WWOX: variants seen among roughly 807,000 people sequenced by gnomAD.
WWOX encodes WW domain-containing oxidoreductase.
WWOX carries 69 observed loss-of-function variants against 46.2 expected under a neutral mutation model. That is an observed-to-expected ratio of 1.49 (90% CI 1.23 to 1.82). The LOEUF is 1.82. Ranked by LOEUF, WWOX falls within the 40% of genes most tolerant of loss-of-function variation. The pLI, the probability that WWOX is intolerant of heterozygous loss-of-function variation, is 0.00. For missense variants in WWOX, 919 were observed against 542.6 expected, an observed-to-expected ratio of 1.69 and a Z score of -6.89; for synonymous variants, 359 against 202.6, an observed-to-expected ratio of 1.77 and a Z score of -6.56.
rs4359451 is a variant in WWOX at position 78,164,014 on chromosome 16, T to C, written c.410-169T>C. ...TGCCAGTAGGACTCTACCCCACAAC[T>C]GTGGCCACTGAAAATGTCTCCAGAC... On this transcript the variant is annotated intron_variant, in intron 4 of 8. Transcript: ENST00000566780. Among the ~76,000 whole-genome samples, 41,270 of 152,004 alleles carry C rather than the reference T, an allele frequency of 0.27. 5,647 individuals carry two copies. The highest frequency in any genetic ancestry group is 0.36 in the South Asian group (1,715 of 4,804).
At chr16:78,642,231 G>T (rs185824491) in intron 8 of WWOX, among the ~76,000 whole-genome samples, 121 of 152,312 alleles carry the variant, frequency 7.9e-4, no homozygotes, top group African/African-American at 2.8e-3. Context: ...ATGTTGTCAA[G>T]AAGGTGTTGA....
intron 8 of WWOX, among the ~76,000 whole-genome samples, chr16:79,144,399 G>C (rs2050147166): frequency 6.6e-6 from 1 of 152,184 alleles, no homozygotes; most frequent in Non-Finnish European, 1.5e-5. Flanking sequence ...GCACTTCTCA[G>C]GTGATAGCTG....
chr16:79,144,154 C>T (rs764443351), intron 8 of WWOX, among the ~76,000 whole-genome samples: 3 of 152,166 alleles, frequency 2.0e-5, no homozygotes, highest in Admixed American at 1.3e-4. Context: ...CCTGTCTCAG[C>T]CTCCCAAAGT....
chr16:78,454,655 GC>G (rs1567583196), intron 8 of WWOX, among the ~76,000 whole-genome samples: 1 of 150,750 alleles, frequency 6.6e-6, no homozygotes, highest in African/African-American at 2.5e-5. Context: ...ACAGGCATGC[GC>G]CACCATACCT....
At chr16:79,201,437 C>A (rs1412272676) in intron 8 of WWOX, among the ~76,000 whole-genome samples, 1 of 151,358 alleles carries the variant, frequency 6.6e-6, no homozygotes, top group South Asian at 2.1e-4. Flanking sequence ...TACACGATGC[C>A]TGAGCTGGCT....
intron 8 of WWOX, among the ~76,000 whole-genome samples, chr16:78,498,128 A>G (rs1325473465): frequency 1.4e-5 from 2 of 145,908 alleles, no homozygotes; most frequent in East Asian, 4.1e-4. Context: ...TGGCATGAAC[A>G]TGGGAGGTGG....
At chr16:79,081,172 A>G (rs563569870) in intron 8 of WWOX, among the ~76,000 whole-genome samples, 6 of 152,224 alleles carry the variant, frequency 3.9e-5, no homozygotes, top group East Asian at 1.9e-4. Flanking sequence ...GAACAAGTCT[A>G]TGTTTTCTTG....
At chr16:78,614,837 A>G (rs1268835604) in intron 8 of WWOX, among the ~76,000 whole-genome samples, 3 of 152,222 alleles carry the variant, frequency 2.0e-5, no homozygotes, top group Non-Finnish European at 2.9e-5. Flanking sequence ...CAGAACGTGC[A>G]GGCTTGTTAC....
At chr16:78,253,713 C>T (rs1157929354) in intron 5 of WWOX, among the ~76,000 whole-genome samples, 1 of 152,156 alleles carries the variant, frequency 6.6e-6, no homozygotes, top group Non-Finnish European at 1.5e-5. Flanking sequence ...CTAACATAAA[C>T]CTTCAATTTA....
At chr16:78,529,761 C>G (rs1397419206) in intron 8 of WWOX, among the ~76,000 whole-genome samples, 1 of 152,198 alleles carries the variant, frequency 6.6e-6, no homozygotes, top group East Asian at 1.9e-4. Flanking sequence ...GCCACCATGC[C>G]CAGCCCTCAG....
chr16:78,397,335 A>G (rs1045285933), intron 6 of WWOX, among the ~76,000 whole-genome samples: 7 of 152,212 alleles, frequency 4.6e-5, no homozygotes, highest in African/African-American at 1.2e-4. Flanking sequence ...TGTGTCATGT[A>G]CAGCTAAGCA....
chr16:79,071,185 C>A (rs1037008303), intron 8 of WWOX, among the ~76,000 whole-genome samples: 1 of 152,164 alleles, frequency 6.6e-6, no homozygotes, highest in African/African-American at 2.4e-5. Flanking sequence ...CTGATGAACA[C>A]AGTTAAGGGG....
At chr16:78,890,300 T>C (rs939189590) in intron 8 of WWOX, 2 of 152,244 alleles carry the variant, frequency 1.3e-5, no homozygotes, top group Admixed American at 6.5e-5. Flanking sequence ...ATATTCTTAT[T>C]TGACCTCTTG....
At chr16:78,930,308 C>G (rs1234384843) in intron 8 of WWOX, among the ~76,000 whole-genome samples, 2 of 101,660 alleles carry the variant, frequency 2.0e-5, no homozygotes, top group African/African-American at 3.9e-5. Flanking sequence ...CAGACAGGGT[C>G]TCCTCCACAC....
chr16:78,137,505 G>A lies in WWOX; in HGVS notation c.409+22351G>A, dbSNP rs538332219. Among the ~76,000 whole-genome samples the A allele has an allele frequency of 1.9e-4, 29 of 152,234 alleles. No individual in the cohort carries two copies. In the East Asian group the frequency reaches 2.9e-3, roughly 15 times the overall value. ...GTTAGTCCATGAGGAATTTCCTTAC[G>A]TATTGTTTTGTGTCTAGGACCAAGT... On this transcript the variant is annotated intron_variant, in intron 4 of 8. Transcript: ENST00000566780.
At chr16:78,975,504 G>C (rs2046553828) in intron 8 of WWOX, among the ~76,000 whole-genome samples, 4 of 151,428 alleles carry the variant, frequency 2.6e-5, no homozygotes, top group Admixed American at 2.0e-4. Flanking sequence ...AGCCTTTTGA[G>C]ATACGACTTT....
chr16:78,605,181 T>G (rs2045725633), intron 8 of WWOX, among the ~76,000 whole-genome samples: 1 of 151,654 alleles, frequency 6.6e-6, no homozygotes, highest in Non-Finnish European at 1.5e-5. Context: ...CTGATGTATC[T>G]GTATCCTGTG....
chr16:78,212,273 G>A (rs1326568035), intron 5 of WWOX, among the ~76,000 whole-genome samples: 1 of 152,224 alleles, frequency 6.6e-6, no homozygotes, highest in Non-Finnish European at 1.5e-5. Context: ...GAGGGCAGAG[G>A]CTGATCAATC....
At chr16:78,759,035 C>G (rs1226429530) in intron 8 of WWOX, among the ~76,000 whole-genome samples, 1 of 151,654 alleles carries the variant, frequency 6.6e-6, no homozygotes, top group Non-Finnish European at 1.5e-5. Flanking sequence ...GAACCTGGAA[C>G]TTCCCTTTCT....
Sources: gnomAD v4.1 joint callset for allele counts (sites outside exome capture counted in the v4.1 genomes callset) on GRCh38, gnomAD v4.1.1 for gene constraint, MANE v1.5 for transcripts, NCBI Gene and HGNC (gene_info 2026-07-23, HGNC 2026-07-21) for gene names.